The following HDAC9 variants were observed in gnomAD, a reference collection of about 807,000 sequenced individuals.
HDAC9 encodes histone deacetylase 9.
In HDAC9, 41 loss-of-function variants were observed where a neutral mutation model predicts 139.4. The ratio of observed to expected loss-of-function variants is 0.29; its 90% CI spans 0.23 to 0.38. The LOEUF is 0.38. HDAC9 is among the 10% of genes least tolerant of loss of function. The pLI is 1.00. For missense variants in HDAC9, 1,147 were observed against 1,297.0 expected, an observed-to-expected ratio of 0.88 and a Z score of 1.78; for synonymous variants, 517 against 476.2, an observed-to-expected ratio of 1.09 and a Z score of -1.12.
intron 1 of HDAC9, among the ~76,000 whole-genome samples, chr7:18,457,678 A>G (rs1481596024): frequency 6.6e-6 from 1 of 152,162 alleles, no homozygotes; most frequent in Non-Finnish European, 1.5e-5. Flanking sequence ...TTTCATATCA[A>G]CTGAATTTGA....
intron 1 of HDAC9, among the ~76,000 whole-genome samples, chr7:18,302,620 C>A (rs555105707): frequency 6.6e-6 from 1 of 152,306 alleles, no homozygotes; most frequent in African/African-American, 2.4e-5. Flanking sequence ...AACCTACTTT[C>A]TAGAAGACGT....
At chr7:18,215,744 T>C (rs1792261915) in intron 2 of HDAC9, among the ~76,000 whole-genome samples, 1 of 152,132 alleles carries the variant, frequency 6.6e-6, no homozygotes, top group African/African-American at 2.4e-5. Context: ...CGTATTTACT[T>C]CATCTCATGG....
intron 1 of HDAC9, among the ~76,000 whole-genome samples, chr7:18,358,015 T>C (rs1175913350): frequency 2.0e-5 from 3 of 152,154 alleles, no homozygotes; most frequent in Non-Finnish European, 2.9e-5. Context: ...GGGGCTCATA[T>C]GAATGTGGCA....
At chr7:18,095,676 G>A (rs73075248) in intron 1 of HDAC9, among the ~76,000 whole-genome samples, 18,581 of 152,024 alleles carry the variant, frequency 0.12, 1,288 homozygotes, top group Admixed American at 0.19. Flanking sequence ...TAGGTATATA[G>A]GAACATAAAT....
intron 22 of HDAC9, among the ~76,000 whole-genome samples, chr7:18,911,294 G>GAA (rs1235486765): frequency 6.6e-6 from 1 of 151,632 alleles, no homozygotes; most frequent in Non-Finnish European, 1.5e-5. Context: ...CAGTTGTAAT[G>GAA]TCTTGTTGTT....
chr7:18,860,136 T>G (rs1265129033), intron 21 of HDAC9, among the ~76,000 whole-genome samples: 3 of 151,680 alleles, frequency 2.0e-5, no homozygotes, highest in Admixed American at 6.6e-5. Flanking sequence ...CTTTAGGGAT[T>G]TTTTGGATAA....
At chr7:18,589,148 C>G (rs1830257760) in intron 3 of HDAC9, among the ~76,000 whole-genome samples, 1 of 151,992 alleles carries the variant, frequency 6.6e-6, no homozygotes, top group Non-Finnish European at 1.5e-5. Flanking sequence ...TTTAGTTACT[C>G]CTCAGTGTGC....
At chr7:18,377,412 A>G (rs1344295530) in intron 1 of HDAC9, among the ~76,000 whole-genome samples, 2 of 152,284 alleles carry the variant, frequency 1.3e-5, no homozygotes, top group East Asian at 3.9e-4. Context: ...TTATGTACAA[A>G]ATGTTGTCAA....
intron 1 of HDAC9, among the ~76,000 whole-genome samples, chr7:18,329,254 G>A (rs980120166): frequency 2.6e-5 from 4 of 151,550 alleles, no homozygotes; most frequent in African/African-American, 9.7e-5. Context: ...TTAGAGTGGA[G>A]GAATCAGTTT....
intron 1 of HDAC9, among the ~76,000 whole-genome samples, chr7:18,303,966 TTC>T (rs1476666598): frequency 6.6e-6 from 1 of 152,196 alleles, no homozygotes; most frequent in African/African-American, 2.4e-5. Context: ...AGAAAGAAAC[TTC>T]TCTGTTGTTT....
At chr7:18,776,555 A>G (rs1380547547) in intron 16 of HDAC9, among the ~76,000 whole-genome samples, 1 of 152,118 alleles carries the variant, frequency 6.6e-6, no homozygotes, top group African/African-American at 2.4e-5. Context: ...TTGAGGAGAC[A>G]AATAAGCAAG....
At position 18,385,106 on chromosome 7, in the gene HDAC9, C is replaced by T. The variant is rs937735383; in HGVS notation, c.-42+94591C>T. 7.2e-5 allele frequency among the ~76,000 whole-genome samples: 11 copies of T among 152,242 alleles called. No homozygotes were observed. In the East Asian group the frequency reaches 2.1e-3, roughly 29 times the overall value. On this transcript the variant is annotated intron_variant, in intron 1 of 3. Coordinates refer to the HDAC9 transcript ENST00000413509. The stretch of plus-strand genomic sequence containing the variant: ...TTGGTGTGGATGCCAAAAGTGTTAA[C>T]TTTGAAAAAGAAAAGATTTATTTCC...
chr7:18,810,057 G>T (rs577347788), intron 17 of HDAC9, among the ~76,000 whole-genome samples: 32 of 151,862 alleles, frequency 2.1e-4, no homozygotes, highest in Non-Finnish European at 3.2e-4. Flanking sequence ...AGGAAATTTT[G>T]CCATTTTCAA....
chr7:18,427,886 C>T lies in HDAC9; in HGVS notation c.-41-68376C>T, dbSNP rs577327917. On this transcript the variant is annotated intron_variant, in intron 1 of 3. Coordinates refer to the HDAC9 transcript ENST00000413509. ...AAATTTTATACCCATTGATTAGCAACTCCCCATGCTCTCCCCTAGATCCTG... is the reference window on the plus strand; with the variant it reads ...AAATTTTATACCCATTGATTAGCAATTCCCCATGCTCTCCCCTAGATCCTG... Among the ~76,000 whole-genome samples the T allele has an allele frequency of 4.6e-5, 7 of 152,112 alleles. No individual in the cohort carries two copies. In the South Asian group the frequency reaches 1.5e-3, roughly 32 times the overall value.
chr7:18,655,038 G>A (rs978002532), intron 11 of HDAC9, among the ~76,000 whole-genome samples: 3 of 152,202 alleles, frequency 2.0e-5, no homozygotes, highest in African/African-American at 4.8e-5. Flanking sequence ...TTCTGGGCAA[G>A]CCTGAAGCTG....
At chr7:18,871,920 G>T (rs1798948543) in intron 21 of HDAC9, among the ~76,000 whole-genome samples, 1 of 152,104 alleles carries the variant, frequency 6.6e-6, no homozygotes, top group African/African-American at 2.4e-5. Context: ...GTTCAAAATT[G>T]AGCACATCTT....
intron 8 of HDAC9, among the ~76,000 whole-genome samples, chr7:18,637,866 C>T (rs1178191950): frequency 6.6e-6 from 1 of 151,814 alleles, no homozygotes; most frequent in Non-Finnish European, 1.5e-5. Context: ...AGACTGTCAG[C>T]AAATTAATAT....
intron 2 of HDAC9, among the ~76,000 whole-genome samples, chr7:18,565,814 A>G (rs1280869214): frequency 6.6e-6 from 1 of 152,156 alleles, no homozygotes; most frequent in Non-Finnish European, 1.5e-5. Flanking sequence ...AAAGAAAGAA[A>G]GAAAAGTATT....
intron 14 of HDAC9, among the ~76,000 whole-genome samples, chr7:18,755,569 T>C (rs1214135203): frequency 6.6e-6 from 1 of 152,154 alleles, no homozygotes; most frequent in East Asian, 1.9e-4. Flanking sequence ...TTATTTACAA[T>C]TTTTAGAAAG....
Sources: allele counts gnomAD v4.1 joint callset (sites outside exome capture counted in the v4.1 genomes callset), GRCh38; gene constraint gnomAD v4.1.1; transcripts MANE v1.5; gene names NCBI Gene and HGNC (gene_info 2026-07-23, HGNC 2026-07-21).